The following PTCH2 variants were observed in gnomAD, a reference collection of about 807,000 sequenced individuals.
PTCH2 encodes patched 2, also known as protein patched homolog 2.
Under a neutral mutation model 117.9 loss-of-function variants are expected in PTCH2, and 96 were observed. The observed-to-expected ratio is 0.81, with a 90% CI of 0.69 to 0.96. The LOEUF is 0.96. PTCH2 is among the 50% of genes least tolerant of loss of function. The pLI is 0.00. For synonymous variants in PTCH2, 615 were observed against 660.9 expected (o/e 0.93, Z 1.06); for missense variants, 1,379 against 1,562.5 (o/e 0.88, Z 1.98).
At chr1:44,842,296 T>C (rs12751020) in intron 1 of PTCH2, among the ~76,000 whole-genome samples, 2 of 131,626 alleles carry the variant, frequency 1.5e-5, no homozygotes, top group African/African-American at 3.1e-5. Flanking sequence ...TTTTTTTTTT[T>C]TGAGACGCAG....
intron 11 of PTCH2, 110 bp from the exon 12 acceptor site, chr1:44,828,741 A>G: frequency 1.4e-6 from 2 of 1,461,586 alleles, no homozygotes; most frequent in East Asian, 4.9e-5. Context: ...GGCAGTCATA[A>G]CACAGTGGCT....
In PTCH2 at chr1:44,823,411, C is replaced by G. The variant is rs113226089; in HGVS notation, c.3115-26G>C. 7.5e-4 allele frequency: 1,205 copies of G among 1,614,040 alleles called. 6 individuals carry two copies. In the African/African-American group the frequency reaches 0.014, roughly 18 times the overall value. ...CTAGGAAAACAGAGTGGTCCTGGAG[C>G]TGCTCCTCTGCCAGTCATGGCCAGC... On this transcript the variant is annotated intron_variant, in intron 19 of 21. Transcript: ENST00000372192. This position sits in a 1 kb window ranked among gnomAD's most constrained non-coding sequence, Gnocchi z 5.1.
rs1465358664 is a variant in PTCH2 at position 44,832,071 on chromosome 1, C to T, written c.456-27G>A. On this transcript the variant is annotated intron_variant, in intron 3 of 21. Coordinates refer to ENST00000372192, the MANE Select transcript of PTCH2 (RefSeq NM_003738.5). ...TGCAATAGCCAGGGGCATAGGAGAT[C>T]AGCAGAAGAAGGGGATTCCCACTCC... 5 of 1,612,584 alleles carry T rather than the reference C, an allele frequency of 3.1e-6. No individual in the cohort carries two copies. In the African/African-American group the frequency reaches 5.3e-5, roughly 17 times the overall value.
Position 44,831,897 on chromosome 1 carries a change from C to A in PTCH2, c.525+78G>T. The A allele has an allele frequency of 3.2e-6, 5 of 1,572,642 alleles. No individual in the cohort carries two copies. Among genetic ancestry groups the A allele is most frequent in the Non-Finnish European group, 4.4e-6 (5 of 1,142,376 alleles). ...TAGTTTTAAGGGGGCAGATTGCAGG[C>A]TGTGGGGCTTGCTCGGTCTCTGAGT... On this transcript the variant is annotated intron_variant, in intron 4 of 21. Coordinates refer to ENST00000372192, the MANE Select transcript of PTCH2 (RefSeq NM_003738.5). The surrounding 1 kb of genome is among the most constrained non-coding windows in gnomAD (Gnocchi z 4.3).
In PTCH2 at chr1:44,823,387, T is replaced by C; in HGVS notation, c.3115-2A>G. 1 of 1,614,136 alleles carries C rather than the reference T, an allele frequency of 6.2e-7. No homozygotes were observed. Among genetic ancestry groups the C allele is most frequent in the Admixed American group, 1.7e-5 (1 of 60,026 alleles). On this transcript the variant is annotated splice_acceptor_variant, in intron 19 of 21. Coordinates refer to ENST00000372192, the MANE Select transcript of PTCH2 (RefSeq NM_003738.5). LOFTEE classifies it high-confidence loss of function. The surrounding 1 kb of genome is among the most constrained non-coding windows in gnomAD (Gnocchi z 5.1). ...GCTGCCCTGGGTGGTCAGGAAGCCC[T>C]AGGAAAACAGAGTGGTCCTGGAGCT...
chr1:44,843,067 G>A lies in PTCH2; in HGVS notation c.-135C>T. On this transcript the variant is annotated 5_prime_UTR_variant, in exon 1 of 22. Coordinates refer to ENST00000372192, the MANE Select transcript of PTCH2 (RefSeq NM_003738.5). Reference sequence around the variant, plus strand: ...GCCGCCAAGGCGCGGGCGTGGGAGAGACTGTGGGGTGTGGGTGTTAAAGCG... The same window carrying A: ...GCCGCCAAGGCGCGGGCGTGGGAGAAACTGTGGGGTGTGGGTGTTAAAGCG... The A allele has an allele frequency of 7.0e-7, 1 of 1,421,414 alleles. No homozygotes were observed. The highest frequency in any genetic ancestry group is 9.2e-7 in the Non-Finnish European group (1 of 1,092,296). 88.1% of individuals were successfully genotyped at this position (1,421,414 alleles called of 1,614,324 possible).
At chr1:44,824,807 G>A (rs1342436308) in intron 19 of PTCH2, among the ~76,000 whole-genome samples, 1 of 152,016 alleles carries the variant, frequency 6.6e-6, no homozygotes, top group Non-Finnish European at 1.5e-5. Context: ...TGAGTAGCTG[G>A]GATTACAGGC....
chr1:44,829,369 G>A (rs937382284), intron 9 of PTCH2, 33 bp downstream of exon 9: 2 of 1,614,048 alleles, frequency 1.2e-6, no homozygotes, highest in Admixed American at 3.3e-5. Flanking sequence ...GTTGGAGGTG[G>A]GGTGGGGGCA....
At position 44,831,563 on chromosome 1, in the gene PTCH2, G is replaced by A; in HGVS notation, c.617+143C>T. ...AAGGAGGATGTGGAGAGAGCCTTGG[G>A]GAAGCCCATGCTCTCTGTTCCTGGC... On this transcript the variant is annotated intron_variant, in intron 5 of 21. Transcript: ENST00000372192. The surrounding 1 kb of genome is among the most constrained non-coding windows in gnomAD (Gnocchi z 4.3). 2.5e-6 allele frequency: 2 copies of A among 799,046 alleles called. No individual in the cohort carries two copies. The highest frequency in any genetic ancestry group is 4.1e-6 in the Non-Finnish European group (2 of 483,016). 49.5% of individuals were successfully genotyped at this position (799,046 alleles called of 1,614,324 possible). A position where few individuals can be genotyped will look rare whatever the true frequency, so the allele number is the denominator to read the frequency against.
intron 2 of PTCH2, among the ~76,000 whole-genome samples, chr1:44,832,852 C>T (rs1444914101): frequency 6.6e-6 from 1 of 152,102 alleles, no homozygotes; most frequent in Non-Finnish European, 1.5e-5. Context: ...TGATTTATAT[C>T]CACACACCTT....
Position 44,829,624 on chromosome 1 carries a change from C to T in PTCH2, c.1073G>A (p.Arg358His), listed in dbSNP as rs139624405. ...CTTGTCCATACCGACCTGCACAAAG[C>T]GCCGCTGCCAGGCTTGTAGCACTGT... is the stretch of plus-strand genomic sequence containing the variant. Reference protein sequence around the residue: ...ASTVLQAWQRRFVQLAQEALP... With the variant: ...ASTVLQAWQRHFVQLAQEALP... Residue 358 changes from arginine (R) to histidine (H), a missense_variant, in exon 8 of 22, where the codon CGC (arginine) becomes CAC (histidine). Physicochemically the swap from Arg to His is conservative, Grantham distance 29 (BLOSUM62 0). Transcript: ENST00000372192. 7.4e-3 allele frequency: 11,930 copies of T among 1,614,206 alleles called. 62 individuals are homozygous for T. Among genetic ancestry groups the T allele is most frequent in the Non-Finnish European group, 8.4e-3 (9,958 of 1,180,038 alleles).
At chr1:44,842,672 G>T (rs1306969746) in intron 1 of PTCH2, among the ~76,000 whole-genome samples, 189 bp downstream of exon 1, 1 of 152,180 alleles carries the variant, frequency 6.6e-6, no homozygotes, top group African/African-American at 2.4e-5. Flanking sequence ...ATTCTCACTG[G>T]CCAGACGATG....
chr1:44,843,126 CG>C lies in PTCH2; in HGVS notation c.-195del. ...GGAGGAGTGCAGGGAGCTGCGGGTC[CG>C]GGGCGCGGCGCCGGGATTCACCCGC... is the stretch of plus-strand genomic sequence containing the variant. On this transcript the variant is annotated 5_prime_UTR_variant, in exon 1 of 22. Coordinates refer to ENST00000372192, the MANE Select transcript of PTCH2 (RefSeq NM_003738.5). 2 of 1,305,622 alleles carry C rather than the reference CG, an allele frequency of 1.5e-6. No homozygotes were observed. Among genetic ancestry groups the C allele is most frequent in the Non-Finnish European group, 9.7e-7 (1 of 1,028,786 alleles). The allele number at this position is 1,305,622 out of a possible 1,614,324, so 80.9% of individuals were successfully genotyped here. A position where few individuals can be genotyped will look rare whatever the true frequency, so the allele number is the denominator to read the frequency against.
At position 44,831,904 on chromosome 1, in the gene PTCH2, G is replaced by A; in HGVS notation, c.525+71C>T. 3 of 1,571,982 alleles carry A rather than the reference G, an allele frequency of 1.9e-6. No individual in the cohort carries two copies. Among genetic ancestry groups the A allele is most frequent in the Non-Finnish European group, 1.8e-6 (2 of 1,141,754 alleles). Reference sequence around the variant, plus strand: ...AAGGGGGCAGATTGCAGGCTGTGGGGCTTGCTCGGTCTCTGAGTCCTCCCA... The same window carrying A: ...AAGGGGGCAGATTGCAGGCTGTGGGACTTGCTCGGTCTCTGAGTCCTCCCA... On this transcript the variant is annotated intron_variant, in intron 4 of 21. Coordinates refer to ENST00000372192, the MANE Select transcript of PTCH2 (RefSeq NM_003738.5). The surrounding 1 kb of genome is among the most constrained non-coding windows in gnomAD (Gnocchi z 4.3).
intron 1 of PTCH2, 122 bp downstream of exon 1, chr1:44,842,739 C>A: frequency 9.9e-7 from 1 of 1,008,644 alleles, no homozygotes. Context: ...GCGGTGCTGG[C>A]TCTCACTTGC....
chr1:44,829,255 C>A lies in PTCH2; in HGVS notation c.1273G>T (p.Val425Leu). 2 of 1,613,522 alleles carry A rather than the reference C, an allele frequency of 1.2e-6. No homozygotes were observed. Among genetic ancestry groups the A allele is most frequent in the Non-Finnish European group, 1.7e-6 (2 of 1,180,020 alleles). The change falls in exon 10 of 22, where the codon GTG becomes TTG. Residue 425 changes from valine to leucine, a missense_variant. Physicochemically the swap from Val to Leu is conservative, Grantham distance 32. Coordinates refer to ENST00000372192, the MANE Select transcript of PTCH2 (RefSeq NM_003738.5). ...ACCAGCAGTACCCCGGCAAGGCCCA[C>A]GGAACCCTGGGACTGGGCGCAGTCC... ...RWDCAQSQGS[V>L]GLAGVLLVAL...
intron 7 of PTCH2, 53 bp from the exon 8 acceptor site, chr1:44,829,814 A>G: frequency 6.2e-7 from 1 of 1,614,008 alleles, no homozygotes; most frequent in East Asian, 2.2e-5. Flanking sequence ...ACACCTGGTG[A>G]GGGATGTGAA....
Position 44,831,117 on chromosome 1 carries a change from G to T in PTCH2, c.618-74C>A. 1 of 1,414,638 alleles carries T rather than the reference G, an allele frequency of 7.1e-7. No homozygotes were observed. The allele number at this position is 1,414,638 out of a possible 1,614,324, so 87.6% of individuals were successfully genotyped here. A position where few individuals can be genotyped will look rare whatever the true frequency, so the allele number is the denominator to read the frequency against. ...CTCCAAACTGCTGCTGGGGCGCCAT[G>T]CTGTACCCCACCCTCCTCTTATCTG... On this transcript the variant is annotated intron_variant, in intron 5 of 21. Coordinates refer to ENST00000372192, the MANE Select transcript of PTCH2 (RefSeq NM_003738.5). This position sits in a 1 kb window ranked among gnomAD's most constrained non-coding sequence, Gnocchi z 4.3.
intron 2 of PTCH2, among the ~76,000 whole-genome samples, chr1:44,837,853 CG>C (rs1653753982): frequency 1.3e-5 from 2 of 151,046 alleles, no homozygotes. Context: ...CCGAGGCGGG[CG>C]GATCACGAGG....
Sources: allele counts gnomAD v4.1 joint callset (sites outside exome capture counted in the v4.1 genomes callset), GRCh38; gene constraint gnomAD v4.1.1; non-coding constraint Gnocchi (gnomAD v3.1); transcripts MANE v1.5; gene names NCBI Gene and HGNC (gene_info 2026-07-23, HGNC 2026-07-21).